The following NEGR1 variants were observed in gnomAD, a reference collection of about 807,000 sequenced individuals.
NEGR1 encodes IgLON family member 4.
Under a neutral mutation model 40.9 loss-of-function variants are expected in NEGR1, and 10 were observed. The ratio of observed to expected loss-of-function variants is 0.24; its 90% CI spans 0.15 to 0.42. The LOEUF is 0.42. NEGR1 is among the 10% of genes least tolerant of loss of function. The pLI is 1.00. For synonymous variants in NEGR1, 185 were observed against 166.8 expected (o/e 1.11, Z -0.84); for missense variants, 352 against 438.9 (o/e 0.80, Z 1.77).
At chr1:71,669,242 T>G (rs1409107630) in intron 4 of NEGR1, among the ~76,000 whole-genome samples, 1 of 152,174 alleles carries the variant, frequency 6.6e-6, no homozygotes, top group Non-Finnish European at 1.5e-5. Context: ...CTTTCTATGC[T>G]TTTAAATTCA....
chr1:72,163,090 T>G (rs1177904987), intron 1 of NEGR1, among the ~76,000 whole-genome samples: 2 of 152,146 alleles, frequency 1.3e-5, no homozygotes, highest in Admixed American at 1.3e-4. Flanking sequence ...AATGGCAGTT[T>G]TTCTTGGAAA....
chr1:71,585,283 A>G lies in NEGR1; in HGVS notation c.940+7534T>C, dbSNP rs1649266191. 2.6e-5 allele frequency among the ~76,000 whole-genome samples: 4 copies of G among 152,292 alleles called. No individual in the cohort carries two copies. The South Asian group carries it at 8.3e-4, about 32-fold the overall frequency. On this transcript the variant is annotated intron_variant, in intron 6 of 6. Transcript: ENST00000357731. ...ATGCATAGATTTCTTAGGATCTGAA[A>G]ACATTACAGCTGAAAGGTAACATGG...
intron 1 of NEGR1, among the ~76,000 whole-genome samples, chr1:72,211,411 T>C (rs1002614144): frequency 2.0e-5 from 3 of 151,540 alleles, no homozygotes; most frequent in Non-Finnish European, 4.4e-5. Context: ...ATGTTTTTAA[T>C]ATAAAATATG....
chr1:72,095,099 TATG>T (rs1408694669), intron 1 of NEGR1, among the ~76,000 whole-genome samples: 2 of 152,156 alleles, frequency 1.3e-5, no homozygotes, highest in Admixed American at 6.5e-5. Context: ...GAAGATGAAA[TATG>T]ATGATATGCC....
At chr1:72,067,893 A>C (rs1000182353) in intron 1 of NEGR1, among the ~76,000 whole-genome samples, 3 of 152,142 alleles carry the variant, frequency 2.0e-5, no homozygotes, top group African/African-American at 7.2e-5. Flanking sequence ...ATGCTTTCCA[A>C]CTGGAATGTA....
At chr1:72,079,383 C>T (rs1331062027) in intron 1 of NEGR1, among the ~76,000 whole-genome samples, 2 of 151,752 alleles carry the variant, frequency 1.3e-5, no homozygotes, top group Non-Finnish European at 2.9e-5. Flanking sequence ...ACACTTAAGT[C>T]GTTGTTCCAG....
At chr1:71,897,789 T>C (rs1661013951) in intron 2 of NEGR1, among the ~76,000 whole-genome samples, 1 of 152,326 alleles carries the variant, frequency 6.6e-6, no homozygotes, top group South Asian at 2.1e-4. Context: ...TCAACACTTA[T>C]GGTACAAGAT....
chr1:72,021,850 A>G (rs918592597), intron 1 of NEGR1, among the ~76,000 whole-genome samples: 4 of 152,112 alleles, frequency 2.6e-5, no homozygotes, highest in Non-Finnish European at 5.9e-5. Context: ...GCGTAGAAAC[A>G]AGAGGCTGGG....
chr1:72,098,077 T>A (rs1011799090), intron 1 of NEGR1, among the ~76,000 whole-genome samples: 1 of 152,164 alleles, frequency 6.6e-6, no homozygotes, highest in Non-Finnish European at 1.5e-5. Flanking sequence ...TCCAGAGGTT[T>A]AAACACAGCT....
chr1:71,505,072 T>C (rs1387527122), intron 6 of NEGR1, among the ~76,000 whole-genome samples: 1 of 152,156 alleles, frequency 6.6e-6, no homozygotes, highest in Non-Finnish European at 1.5e-5. Flanking sequence ...ATTGCATTTC[T>C]ATTAAAGGGA....
At chr1:71,814,168 C>A (rs1309120776) in intron 2 of NEGR1, among the ~76,000 whole-genome samples, 1 of 152,006 alleles carries the variant, frequency 6.6e-6, no homozygotes, top group Non-Finnish European at 1.5e-5. Context: ...AAGATCTTTC[C>A]TGAATCTGTT....
chr1:71,938,134 G>GA (rs139951660), intron 1 of NEGR1, among the ~76,000 whole-genome samples: 15,695 of 150,728 alleles, frequency 0.1, 942 homozygotes, highest in Middle Eastern at 0.21. Context: ...ATGACAATCA[G>GA]AAAAAAAAAT....
intron 2 of NEGR1, among the ~76,000 whole-genome samples, chr1:71,867,933 T>C (rs766789463): frequency 5.9e-5 from 9 of 152,198 alleles, no homozygotes; most frequent in African/African-American, 9.6e-5. Context: ...CAATTCATCA[T>C]TGATTTTGTC....
intron 1 of NEGR1, among the ~76,000 whole-genome samples, chr1:72,119,257 A>T (rs777449006): frequency 3.1e-4 from 47 of 151,932 alleles, no homozygotes; most frequent in Non-Finnish European, 6.6e-4. Flanking sequence ...AGTTGATGAT[A>T]AGAGAAGTTA....
intron 1 of NEGR1, among the ~76,000 whole-genome samples, chr1:72,004,210 G>A (rs60161481): frequency 0.021 from 3,252 of 151,528 alleles, 108 homozygotes; most frequent in African/African-American, 0.074. Context: ...ACACACATGC[G>A]TACATATATA....
At chr1:71,831,250 C>T (rs1658830480) in intron 2 of NEGR1, among the ~76,000 whole-genome samples, 2 of 151,894 alleles carry the variant, frequency 1.3e-5, no homozygotes, top group South Asian at 4.1e-4. Flanking sequence ...CTCAATATCA[C>T]TGTGTTTGGC....
At position 72,104,851 on chromosome 1, in the gene NEGR1, C is replaced by T. The variant is rs141109585; in HGVS notation, c.177-169540G>A. Reference sequence around the variant, plus strand: ...AATTAAATTGTCATTTGTAAACAAACACAACTACTCTTTGTAAGAATGTAA... The same window carrying T: ...AATTAAATTGTCATTTGTAAACAAATACAACTACTCTTTGTAAGAATGTAA... On this transcript the variant is annotated intron_variant, in intron 1 of 6. Transcript: ENST00000357731. Among the ~76,000 whole-genome samples, 851 of 152,108 alleles carry T rather than the reference C, an allele frequency of 5.6e-3. 5 individuals carry two copies. The highest frequency in any genetic ancestry group is 0.02 in the African/African-American group (810 of 41,500).
At chr1:71,581,696 C>T (rs1649139114) in intron 6 of NEGR1, among the ~76,000 whole-genome samples, 1 of 77,202 alleles carries the variant, frequency 1.3e-5, no homozygotes, top group Non-Finnish European at 2.8e-5. Context: ...TCATTATACA[C>T]AATTTTTTTT....
chr1:71,605,875 G>T (rs1650059300), intron 5 of NEGR1, among the ~76,000 whole-genome samples: 1 of 152,002 alleles, frequency 6.6e-6, no homozygotes, highest in Non-Finnish European at 1.5e-5. Context: ...CTAGTATATA[G>T]CATTAGCCAC....
Sources: gnomAD v4.1 joint callset for allele counts (sites outside exome capture counted in the v4.1 genomes callset) on GRCh38, gnomAD v4.1.1 for gene constraint, MANE v1.5 for transcripts, NCBI Gene and HGNC (gene_info 2026-07-23, HGNC 2026-07-21) for gene names.